The following EDA variants were observed in gnomAD, a reference collection of about 807,000 sequenced individuals.
EDA encodes the protein ectodysplasin-A.
Under a neutral mutation model 23.6 loss-of-function variants are expected in EDA, and 2 were observed. The observed-to-expected ratio is 0.08, with a 90% CI of 0.03 to 0.27. The LOEUF is 0.27. Among genes scored for constraint, EDA ranks in the 10% least tolerant of loss-of-function variants. The pLI is 1.00. For synonymous variants in EDA, 131 were observed against 132.0 expected, an observed-to-expected ratio of 0.99 and a Z score of 0.05; for missense variants, 229 against 324.2, an observed-to-expected ratio of 0.71 and a Z score of 2.26.
chrX:69,805,965 A>C (rs899323811), intron 1 of EDA, among the ~76,000 whole-genome samples: 82 of 111,760 alleles, frequency 7.3e-4, no homozygotes, highest in Middle Eastern at 4.2e-3. Context: ...ACTACCTACT[A>C]TGTGCAAGAC....
At chrX:69,892,911 G>A (rs1388575056) in intron 1 of EDA, among the ~76,000 whole-genome samples, 1 of 111,147 alleles carries the variant, frequency 9.0e-6, no homozygotes, top group African/African-American at 3.3e-5. Flanking sequence ...AATGTTACCT[G>A]CCTGGACCCT....
At chrX:69,928,621 T>C (rs999716401) in intron 1 of EDA, among the ~76,000 whole-genome samples, 1 of 111,918 alleles carries the variant, frequency 8.9e-6, no homozygotes, top group Non-Finnish European at 1.9e-5. Flanking sequence ...AGAATGCTTA[T>C]CATATTTTTA....
intron 1 of EDA, among the ~76,000 whole-genome samples, chrX:69,833,148 C>T (rs1484907873): frequency 8.9e-6 from 1 of 111,794 alleles, no homozygotes; most frequent in Non-Finnish European, 1.9e-5. Flanking sequence ...CCAGTTTTTG[C>T]CCATTCAGTA....
intron 1 of EDA, among the ~76,000 whole-genome samples, chrX:69,849,825 T>C (rs1368448222): frequency 8.9e-6 from 1 of 111,941 alleles, no homozygotes; most frequent in African/African-American, 3.2e-5. Flanking sequence ...TAGCAATACA[T>C]TGACCTTTAT....
At chrX:69,826,081 T>C (rs1602451928) in intron 1 of EDA, among the ~76,000 whole-genome samples, 1 of 109,992 alleles carries the variant, frequency 9.1e-6, no homozygotes, top group Admixed American at 9.7e-5. Flanking sequence ...TTATAATTTC[T>C]GTTCTTTTAC....
intron 6 of EDA, among the ~76,000 whole-genome samples, chrX:70,030,985 CA>C (rs1363197033): frequency 2.7e-5 from 3 of 112,499 alleles, no homozygotes; most frequent in South Asian, 3.7e-4. Context: ...TAGTGTCTAT[CA>C]AAAAGGAGAA....
intron 1 of EDA, among the ~76,000 whole-genome samples, chrX:69,836,568 G>C (rs1270549432): frequency 8.9e-6 from 1 of 112,470 alleles, no homozygotes; most frequent in Non-Finnish European, 1.9e-5. Context: ...CTTCTTGTCT[G>C]CCAGTTGCTA....
chrX:69,880,331 G>A (rs2017725158), intron 1 of EDA, among the ~76,000 whole-genome samples: 1 of 112,053 alleles, frequency 8.9e-6, no homozygotes, highest in African/African-American at 3.2e-5. Context: ...TCCAATACAT[G>A]AGATGAGCCA....
chrX:69,801,368 G>C (rs2015681769), intron 1 of EDA, among the ~76,000 whole-genome samples: 1 of 108,157 alleles, frequency 9.2e-6, no homozygotes, highest in Non-Finnish European at 1.9e-5. Flanking sequence ...GGGTCTCACT[G>C]TGTTGCCTAA....
At chrX:70,010,286 G>T (rs976291478) in intron 2 of EDA, among the ~76,000 whole-genome samples, 1 of 112,007 alleles carries the variant, frequency 8.9e-6, no homozygotes, top group Non-Finnish European at 1.9e-5. Context: ...ATGTTCTGTT[G>T]TCAGGCACGC....
At position 69,697,099 on chromosome X, in the gene EDA, A is replaced by G. The variant is rs1235504615; in HGVS notation, c.396+80395A>G. 2.7e-5 allele frequency among the ~76,000 whole-genome samples: 3 copies of G among 111,824 alleles called. No individual in the cohort carries two copies. The East Asian group carries it at 8.4e-4, about 31-fold the overall frequency. On this transcript the variant is annotated intron_variant, in intron 1 of 7. Coordinates refer to ENST00000374552, the MANE Select transcript of EDA (RefSeq NM_001399.5). ...CAACAGACAGAACGAGGTAGTGTGG[A>G]GCAACACGCTGTTTTAATGAGCGCC...
intron 1 of EDA, among the ~76,000 whole-genome samples, chrX:69,953,596 T>A (rs2018958853): frequency 8.9e-6 from 1 of 112,058 alleles, no homozygotes; most frequent in Admixed American, 9.5e-5. Flanking sequence ...ATGTTAATAT[T>A]AGCTTTATTT....
chrX:69,638,361 G>T (rs1686208591), intron 1 of EDA, among the ~76,000 whole-genome samples: 1 of 112,127 alleles, frequency 8.9e-6, no homozygotes, highest in Non-Finnish European at 1.9e-5. Context: ...TTGAATGTTG[G>T]CTAGATTGGG....
intron 1 of EDA, among the ~76,000 whole-genome samples, chrX:69,711,162 G>A (rs898763103): frequency 9.0e-6 from 1 of 110,665 alleles, no homozygotes; most frequent in Non-Finnish European, 1.9e-5. Flanking sequence ...TTTGAGATAC[G>A]TCCCATCAAT....
intron 1 of EDA, among the ~76,000 whole-genome samples, chrX:69,771,975 G>T (rs1345624412): frequency 2.7e-5 from 3 of 111,502 alleles, no homozygotes; most frequent in African/African-American, 9.8e-5. Context: ...ACATTTTTTT[G>T]ATGGAGTCTT....
At position 69,888,320 on chromosome X, in the gene EDA, C is replaced by T. The variant is rs766996814; in HGVS notation, c.397-68707C>T. Among the ~76,000 whole-genome samples, 8 of 109,969 alleles carry T rather than the reference C, an allele frequency of 7.3e-5. No homozygotes were observed. In the South Asian group the frequency reaches 3.1e-3, roughly 43 times the overall value. ...ACACAAAAGATAAACAGAAAGGAATCAAAGCATACCACCATAGAAAATCAT... is the reference window on the plus strand; with the variant it reads ...ACACAAAAGATAAACAGAAAGGAATTAAAGCATACCACCATAGAAAATCAT... On this transcript the variant is annotated intron_variant, in intron 1 of 7. Transcript: ENST00000374552.
At chrX:69,997,309 TTA>T (rs1469189812) in intron 2 of EDA, among the ~76,000 whole-genome samples, 1 of 111,786 alleles carries the variant, frequency 8.9e-6, no homozygotes, top group Non-Finnish European at 1.9e-5. Context: ...GTGATTCTTG[TTA>T]TGTTTTAGCA....
intron 2 of EDA, among the ~76,000 whole-genome samples, chrX:69,973,037 T>C (rs891980257): frequency 4.5e-5 from 5 of 112,013 alleles, no homozygotes; most frequent in Non-Finnish European, 7.5e-5. Flanking sequence ...CCCTAACTCC[T>C]AGAGGTTGTT....
At chrX:69,883,630 T>A (rs1358070338) in intron 1 of EDA, among the ~76,000 whole-genome samples, 2 of 112,019 alleles carry the variant, frequency 1.8e-5, no homozygotes, top group Middle Eastern at 4.6e-3. Context: ...TAATTGGGAT[T>A]TCTTTGGTTT....
Sources: gnomAD v4.1 joint callset for allele counts (sites outside exome capture counted in the v4.1 genomes callset) on GRCh38, gnomAD v4.1.1 for gene constraint, MANE v1.5 for transcripts, NCBI Gene and HGNC (gene_info 2026-07-23, HGNC 2026-07-21) for gene names.